The following OTOA variants were observed in gnomAD, a reference collection of about 807,000 sequenced individuals.
OTOA encodes otoancorin, also known as cancer/testis antigen 108.
In OTOA, 70 loss-of-function variants were observed where a neutral mutation model predicts 110.8. The ratio of observed to expected loss-of-function variants is 0.63; its 90% CI spans 0.52 to 0.77. The LOEUF is 0.77. Ranked by LOEUF, OTOA falls within the 30% of genes least tolerant of loss-of-function variation. OTOA has a pLI of 0.00. For synonymous variants in OTOA, 373 were observed against 431.5 expected, an observed-to-expected ratio of 0.86 and a Z score of 1.68; for missense variants, 917 against 1,075.8, an observed-to-expected ratio of 0.85 and a Z score of 2.06.
At position 21,709,408 on chromosome 16, in the gene OTOA, C is replaced by G. The variant is rs1235166124; in HGVS notation, c.1105-480C>G. On this transcript the variant is annotated intron_variant, in intron 12 of 28. Transcript: ENST00000646100. ...CAAGACCACACCATTATACTCCAGC[C>G]TGGGTGACAAGAGCAAAACTCTGTC... is the stretch of plus-strand genomic sequence containing the variant. Among the ~76,000 whole-genome samples the G allele has an allele frequency of 4.0e-5, 6 of 151,648 alleles. No individual in the cohort carries two copies. In the East Asian group the frequency reaches 1.2e-3, roughly 29 times the overall value.
intron 1 of OTOA, among the ~76,000 whole-genome samples, chr16:21,670,328 T>C (rs1320858282): frequency 6.6e-6 from 1 of 151,988 alleles, no homozygotes; most frequent in Non-Finnish European, 1.5e-5. Context: ...AACATGCAAA[T>C]TATGCTCCTA....
intron 11 of OTOA, 131 bp from the exon 12 acceptor site, chr16:21,705,038 G>T: frequency 6.9e-7 from 1 of 1,441,770 alleles, no homozygotes; most frequent in Non-Finnish European, 9.8e-7. Context: ...GGATGTTCAG[G>T]TTATGTGACC....
At chr16:21,714,252 TTTCTTTCTTTCTTTC>T (rs1451747739) in intron 13 of OTOA, among the ~76,000 whole-genome samples, 1 of 4,714 alleles carries the variant, frequency 2.1e-4, no homozygotes, top group Non-Finnish European at 8.3e-4. Flanking sequence ...TTCTTTCTTT[TTTCTTTCTTTCTTTC>T]TTTCTTTCCT....
At chr16:21,708,917 AATT>A (rs1898276349) in intron 12 of OTOA, among the ~76,000 whole-genome samples, 1 of 152,194 alleles carries the variant, frequency 6.6e-6, no homozygotes, top group South Asian at 2.1e-4. Flanking sequence ...GCAATAAAAT[AATT>A]ATTAAAATGA....
intron 6 of OTOA, among the ~76,000 whole-genome samples, chr16:21,683,547 C>T (rs1444081053): frequency 1.3e-5 from 2 of 151,634 alleles, no homozygotes; most frequent in South Asian, 2.1e-4. Flanking sequence ...AACAAACAAA[C>T]AAACAAAAAA....
chr16:21,700,781 T>G (rs1597821533), intron 10 of OTOA, 107 bp from the exon 11 acceptor site: 4 of 1,245,974 alleles, frequency 3.2e-6, no homozygotes, highest in South Asian at 1.3e-5. Context: ...AACCAGGAGG[T>G]GTATCCAAGT....
Position 21,760,628 on chromosome 16 carries a change from C to G in OTOA, c.*88C>G. On this transcript the variant is annotated 3_prime_UTR_variant, in exon 29 of 29. Coordinates refer to ENST00000646100, the MANE Select transcript of OTOA (RefSeq NM_144672.4). ...TGCTCCAGATGGTGGGACACCCTTC[C>G]CTGGATCCAGACCCTCATCTAGGGC... 8.3e-7 allele frequency: 1 copy of G among 1,210,482 alleles called. No homozygotes were observed. Among genetic ancestry groups the G allele is most frequent in the South Asian group, 1.2e-5 (1 of 81,252 alleles). The allele number at this position is 1,210,482 out of a possible 1,614,324, so 75.0% of individuals were successfully genotyped here.
intron 16 of OTOA, 66 bp from the exon 17 acceptor site, chr16:21,719,321 T>C (rs1043631738): frequency 5.8e-6 from 9 of 1,565,104 alleles, no homozygotes; most frequent in Non-Finnish European, 7.9e-6. Context: ...ATCTGCCTTC[T>C]CTCGCTCTTT....
At chr16:21,717,442 T>TA (rs542140800) in intron 15 of OTOA, among the ~76,000 whole-genome samples, 21 of 151,550 alleles carry the variant, frequency 1.4e-4, no homozygotes, top group African/African-American at 3.6e-4. Flanking sequence ...CCCTGTCTCT[T>TA]AAAAAAAAAG....
chr16:21,699,504 G>A (rs867844860), intron 10 of OTOA, among the ~76,000 whole-genome samples: 9 of 151,940 alleles, frequency 5.9e-5, no homozygotes, highest in African/African-American at 1.9e-4. Flanking sequence ...AGGTGTAGTG[G>A]TGTGTGCCTG....
At chr16:21,667,495 A>T (rs1002825950) in intron 1 of OTOA, among the ~76,000 whole-genome samples, 1 of 152,116 alleles carries the variant, frequency 6.6e-6, no homozygotes, top group Non-Finnish European at 1.5e-5. Flanking sequence ...TCTACTAAAA[A>T]TACAAAAAAT....
intron 1 of OTOA, among the ~76,000 whole-genome samples, chr16:21,665,570 T>C (rs1966839292): frequency 6.6e-6 from 1 of 152,234 alleles, no homozygotes; most frequent in Non-Finnish European, 1.5e-5. Flanking sequence ...ACGGTAACCC[T>C]TCAAGGCTGG....
chr16:21,716,902 G>C lies in OTOA; in HGVS notation c.1489-5G>C, dbSNP rs1165839333. The C allele has an allele frequency of 8.7e-6, 14 of 1,613,700 alleles. No individual in the cohort carries two copies. The highest frequency in any genetic ancestry group is 1.2e-5 in the Non-Finnish European group (14 of 1,179,956). On this transcript the variant is annotated splice_region_variant and splice_polypyrimidine_tract_variant and intron_variant, in intron 14 of 28. Transcript: ENST00000646100. ...TGTTGTTTTGTTGCTTCTCGCTTCT[G>C]GCAGATGGTCCAAGCGGAAGACACT...
intron 17 of OTOA, among the ~76,000 whole-genome samples, chr16:21,722,066 AAAAAAACCCC>A (rs1466453578): frequency 2.7e-5 from 4 of 147,386 alleles, no homozygotes; most frequent in Non-Finnish European, 5.9e-5. Context: ...AAAATACAAA[AAAAAAACCCC>A]AAAAAAACCC....
chr16:21,712,837 A>T (rs1360317020), intron 13 of OTOA, among the ~76,000 whole-genome samples: 4 of 151,702 alleles, frequency 2.6e-5, no homozygotes, highest in African/African-American at 9.7e-5. Flanking sequence ...AAAGCTTTTG[A>T]TTCAGGTGGT....
chr16:21,665,401 A>G (rs1024648365), intron 1 of OTOA, among the ~76,000 whole-genome samples: 3 of 152,168 alleles, frequency 2.0e-5, no homozygotes, highest in African/African-American at 7.2e-5. Flanking sequence ...AAGCGAGACA[A>G]TGTATGTTAG....
chr16:21,731,108 T>G (rs1472496222), intron 21 of OTOA, among the ~76,000 whole-genome samples, 178 bp downstream of exon 21: 2 of 151,476 alleles, frequency 1.3e-5, no homozygotes, highest in African/African-American at 4.9e-5. Context: ...GAAAAGGGAG[T>G]GAGTCCACAG....
intron 22 of OTOA, among the ~76,000 whole-genome samples, chr16:21,737,915 T>G (rs1351833737): frequency 6.6e-6 from 1 of 152,312 alleles, no homozygotes; most frequent in Non-Finnish European, 1.5e-5. Flanking sequence ...GTGATAGTAG[T>G]TGACAGTCAG....
At chr16:21,677,775 C>T (rs1966862455) in intron 1 of OTOA, among the ~76,000 whole-genome samples, 1 of 152,154 alleles carries the variant, frequency 6.6e-6, no homozygotes, top group Non-Finnish European at 1.5e-5. Flanking sequence ...AGCCACTGCG[C>T]CTGGCCAACT....
Sources: allele counts gnomAD v4.1 joint callset (sites outside exome capture counted in the v4.1 genomes callset), GRCh38; gene constraint gnomAD v4.1.1; transcripts MANE v1.5; gene names NCBI Gene and HGNC (gene_info 2026-07-23, HGNC 2026-07-21).